The following PLXNA4 variants were observed in gnomAD, a reference collection of about 807,000 sequenced individuals.
The protein encoded by PLXNA4 is plexin-A4.
In PLXNA4, 44 loss-of-function variants were observed where a neutral mutation model predicts 191.8. The observed-to-expected ratio is 0.23, with a 90% CI of 0.18 to 0.29. PLXNA4 has a LOEUF of 0.29. PLXNA4 is among the 10% of genes least tolerant of loss of function. The probability of loss-of-function intolerance (pLI) is 1.00; values close to 1 mark genes in which losing one functional copy is unlikely to be tolerated. For missense variants in PLXNA4, 1,800 were observed against 2,488.8 expected (o/e 0.72, Z 5.89); for synonymous variants, 1,082 against 1,009.5 (o/e 1.07, Z -1.36).
intron 25 of PLXNA4, among the ~76,000 whole-genome samples, chr7:132,155,387 G>GA (rs1562887202): frequency 6.6e-6 from 1 of 151,866 alleles, no homozygotes; most frequent in Non-Finnish European, 1.5e-5. Context: ...AAGGGAGGAG[G>GA]AAAAAAAGCT....
chr7:132,436,339 C>T (rs760300090), intron 3 of PLXNA4, among the ~76,000 whole-genome samples: 58 of 152,182 alleles, frequency 3.8e-4, no homozygotes, highest in Non-Finnish European at 5.9e-4. Flanking sequence ...GAGTGAAAAA[C>T]GGGGAGTGAT....
intron 21 of PLXNA4, among the ~76,000 whole-genome samples, chr7:132,168,931 C>T (rs1255687873): frequency 1.3e-5 from 2 of 152,200 alleles, no homozygotes; most frequent in Non-Finnish European, 2.9e-5. Context: ...GTGGGGAATT[C>T]CAGGTGCCCA....
In PLXNA4 at chr7:132,161,640, C is replaced by T. The variant is rs148992251; in HGVS notation, c.4501-2008G>A. 4.1e-3 allele frequency among the ~76,000 whole-genome samples: 631 copies of T among 152,246 alleles called. 2 individuals are homozygous for T. Among genetic ancestry groups the T allele is most frequent in the Non-Finnish European group, 7.5e-3 (508 of 68,006 alleles). ...CCCCGGTGGGCATCTAGCGCTCTAG[C>T]AGGCTTCCAGGTGCGCATCTAGAAC... On this transcript the variant is annotated intron_variant, in intron 24 of 31. Coordinates refer to ENST00000321063, the MANE Select transcript of PLXNA4 (RefSeq NM_020911.2).
intron 3 of PLXNA4, among the ~76,000 whole-genome samples, chr7:132,464,443 G>C (rs1796626558): frequency 6.6e-6 from 1 of 152,158 alleles, no homozygotes; most frequent in African/African-American, 2.4e-5. Context: ...AACCAGTTTT[G>C]TGACCTTGCC....
At chr7:132,559,228 AAG>A (rs1168492626) in intron 1 of PLXNA4, among the ~76,000 whole-genome samples, 1 of 152,206 alleles carries the variant, frequency 6.6e-6, no homozygotes, top group East Asian at 1.9e-4. Context: ...GGGCTGGGAA[AAG>A]AGGCATGAGG....
chr7:132,371,912 A>T (rs532926391), intron 3 of PLXNA4, among the ~76,000 whole-genome samples: 1 of 152,208 alleles, frequency 6.6e-6, no homozygotes, highest in Non-Finnish European at 1.5e-5. Context: ...TGGGAAGGTA[A>T]GCCTGATGTG....
chr7:132,478,023 T>C (rs1033197588), intron 3 of PLXNA4, among the ~76,000 whole-genome samples: 2 of 152,236 alleles, frequency 1.3e-5, no homozygotes, highest in Non-Finnish European at 2.9e-5. Flanking sequence ...CACAGCCTGG[T>C]TGAGGCAGGG....
chr7:132,547,995 T>A (rs1251796330), intron 1 of PLXNA4, among the ~76,000 whole-genome samples: 2 of 152,072 alleles, frequency 1.3e-5, no homozygotes, highest in Non-Finnish European at 2.9e-5. Flanking sequence ...CACGAGTAGA[T>A]CTAATGCTGT....
intron 2 of PLXNA4, among the ~76,000 whole-genome samples, chr7:132,619,964 C>A (rs932229533): frequency 6.6e-6 from 1 of 152,178 alleles, no homozygotes; most frequent in African/African-American, 2.4e-5. Flanking sequence ...CCATGCCCAG[C>A]TAATGCTTTT....
chr7:132,365,360 T>TGTGTGTGTGTGTGTGTGC, intron 3 of PLXNA4, among the ~76,000 whole-genome samples: 2 of 128,742 alleles, frequency 1.6e-5, no homozygotes, highest in Admixed American at 7.5e-5. Context: ...TGTGTGTGTG[T>TGTGTGTGTGTGTGTGTGC]GCGTGCGCGC....
Position 132,507,769 on chromosome 7 carries a change from G to A in PLXNA4, c.925C>T (p.Leu309=), listed in dbSNP as rs775731905. The change falls in exon 2 of 32, where the codon CTG becomes TTG. Residue 309 remains leucine, a synonymous_variant. Coordinates refer to ENST00000321063, the MANE Select transcript of PLXNA4 (RefSeq NM_020911.2). The stretch of plus-strand genomic sequence containing the variant: ...TTGGACAGGTAGGCAGCCTGCAGCA[G>A]GCGGTACTCCACCCCACTGCGCTCA... ...GCERSGVEYR[L]LQAAYLSKAG... 6 of 1,614,128 alleles carry A rather than the reference G, an allele frequency of 3.7e-6. No individual in the cohort carries two copies. The highest frequency in any genetic ancestry group is 4.2e-6 in the Non-Finnish European group (5 of 1,180,044).
At chr7:132,631,234 A>G (rs906102712) in intron 2 of PLXNA4, among the ~76,000 whole-genome samples, 1 of 152,112 alleles carries the variant, frequency 6.6e-6, no homozygotes, top group Non-Finnish European at 1.5e-5. Context: ...TCTTTCTTCA[A>G]TCTTCAAGTC....
intron 3 of PLXNA4, among the ~76,000 whole-genome samples, chr7:132,338,174 C>T (rs1310714837): frequency 1.3e-5 from 2 of 152,138 alleles, no homozygotes; most frequent in African/African-American, 4.8e-5. Context: ...TCTGAAAGGA[C>T]CGCAGGATGG....
intron 25 of PLXNA4, among the ~76,000 whole-genome samples, chr7:132,156,135 T>TACACACACACACACACACAC (rs57153762): frequency 1.4e-4 from 19 of 133,094 alleles, no homozygotes; most frequent in African/African-American, 3.8e-4. Flanking sequence ...TTTCTGGACA[T>TACACACACACACACACACAC]ACACACACAC....
chr7:132,441,092 C>G (rs1795682524), intron 3 of PLXNA4, among the ~76,000 whole-genome samples: 2 of 152,262 alleles, frequency 1.3e-5, no homozygotes, highest in East Asian at 1.9e-4. Flanking sequence ...AATATAGGAA[C>G]AGTAGACCCT....
At chr7:132,600,445 C>T (rs1004007763) in intron 2 of PLXNA4, among the ~76,000 whole-genome samples, 1 of 152,198 alleles carries the variant, frequency 6.6e-6, no homozygotes, top group African/African-American at 2.4e-5. Flanking sequence ...CTCACTGCTG[C>T]CTCAATCTCT....
chr7:132,598,430 A>G (rs996066248), intron 2 of PLXNA4, among the ~76,000 whole-genome samples: 4 of 152,234 alleles, frequency 2.6e-5, no homozygotes, highest in Non-Finnish European at 5.9e-5. Context: ...TCTTATTGGC[A>G]TGAGATTTTC....
At chr7:132,218,937 C>T (rs570035977) in intron 9 of PLXNA4, among the ~76,000 whole-genome samples, 17 of 152,160 alleles carry the variant, frequency 1.1e-4, no homozygotes, top group Admixed American at 5.2e-4. Flanking sequence ...CTGTTCCAGT[C>T]CAATAACTTC....
chr7:132,408,863 G>A (rs1794335169), intron 3 of PLXNA4, among the ~76,000 whole-genome samples: 2 of 95,676 alleles, frequency 2.1e-5, no homozygotes, highest in African/African-American at 4.4e-5. Flanking sequence ...CCTCCCTCCC[G>A]CCCCCCACCC....
Sources: allele counts gnomAD v4.1 joint callset (sites outside exome capture counted in the v4.1 genomes callset), GRCh38; gene constraint gnomAD v4.1.1; transcripts MANE v1.5; gene names NCBI Gene and HGNC (gene_info 2026-07-23, HGNC 2026-07-21).